Variants in WDFY2 observed in about 807,000 individuals in gnomAD.
WDFY2 encodes WD repeat and FYVE domain-containing protein 2.
In WDFY2, 36 loss-of-function variants were observed where a neutral mutation model predicts 56.4. The observed-to-expected ratio is 0.64, with a 90% CI of 0.49 to 0.84. The LOEUF (loss-of-function observed/expected upper bound fraction) is 0.84, where lower values mean the gene tolerates loss of function less well. Ranked by LOEUF, WDFY2 falls within the 40% of genes least tolerant of loss-of-function variation. The pLI is 0.00. For synonymous variants in WDFY2, 176 were observed against 183.7 expected, an observed-to-expected ratio of 0.96 and a Z score of 0.34; for missense variants, 444 against 512.2, an observed-to-expected ratio of 0.87 and a Z score of 1.29.
chr13:51,641,120 T>C (rs1475420087), intron 1 of WDFY2, among the ~76,000 whole-genome samples: 2 of 152,096 alleles, frequency 1.3e-5, no homozygotes, highest in African/African-American at 4.8e-5. Context: ...TTGCCCAGGC[T>C]GGAGTGCAGT....
rs144787747 is a variant in WDFY2 at position 51,617,137 on chromosome 13, T to C, written c.137+32313T>C. On this transcript the variant is annotated intron_variant, in intron 1 of 11. Coordinates refer to ENST00000298125, the MANE Select transcript of WDFY2 (RefSeq NM_052950.4). ...TTTCTGTGGAATTTTGGTGTGCTTA[T>C]ACAAAACTCTTAGTGTTAACTCTAA... 5.0e-3 allele frequency among the ~76,000 whole-genome samples: 755 copies of C among 152,346 alleles called. 5 individuals carry two copies. The highest frequency in any genetic ancestry group is 0.014 in the African/African-American group (593 of 41,574).
At chr13:51,660,723 T>G in intron 2 of WDFY2, 60 bp downstream of exon 2, 3 of 1,469,332 alleles carry the variant, frequency 2.0e-6, no homozygotes, top group Non-Finnish European at 2.9e-6. Flanking sequence ...TTGCCTTCTC[T>G]GTATTTTCTT....
intron 3 of WDFY2, among the ~76,000 whole-genome samples, chr13:51,700,077 T>C (rs192380897): frequency 1.3e-5 from 2 of 152,330 alleles, no homozygotes; most frequent in Non-Finnish European, 1.5e-5. Context: ...ATATCTATAA[T>C]GTGATCCTGT....
intron 1 of WDFY2, among the ~76,000 whole-genome samples, chr13:51,657,466 T>C (rs1955530751): frequency 6.6e-6 from 1 of 152,174 alleles, no homozygotes; most frequent in Non-Finnish European, 1.5e-5. Flanking sequence ...GAAGATCTAC[T>C]AGTAATGAAT....
rs1953536441 is a variant in WDFY2 at position 51,760,143 on chromosome 13, T to C, written c.*374T>C. The C allele has an allele frequency of 5.6e-6, 1 of 179,330 alleles. No individual in the cohort carries two copies. The highest frequency in any genetic ancestry group is 2.3e-5 in the African/African-American group (1 of 42,596). 11.1% of individuals were successfully genotyped at this position (179,330 alleles called of 1,614,324 possible). ...AGGGAGGTATCTACTCAGAGTATTT[T>C]GGTCATTATACTTTCTGTGTTTACT... On this transcript the variant is annotated 3_prime_UTR_variant, in exon 12 of 12. Coordinates refer to ENST00000298125, the MANE Select transcript of WDFY2 (RefSeq NM_052950.4).
At chr13:51,688,869 A>T (rs1173933514) in intron 3 of WDFY2, among the ~76,000 whole-genome samples, 1 of 152,166 alleles carries the variant, frequency 6.6e-6, no homozygotes, top group Non-Finnish European at 1.5e-5. Flanking sequence ...AACTGATCTC[A>T]TATCATTTGC....
intron 1 of WDFY2, among the ~76,000 whole-genome samples, chr13:51,652,460 G>T (rs1955411806): frequency 6.6e-6 from 1 of 152,146 alleles, no homozygotes; most frequent in Non-Finnish European, 1.5e-5. Flanking sequence ...ATGTTAGCTG[G>T]TTATTTTGCT....
rs188245143 is a variant in WDFY2 at position 51,720,660 on chromosome 13, T to G, written c.485+1312T>G. ...CTGCTATAATAAATTACTGTAAACT[T>G]GGTGTCCTTTAAACAACAGAAATTT... is the stretch of plus-strand genomic sequence containing the variant. On this transcript the variant is annotated intron_variant, in intron 5 of 11. Transcript: ENST00000298125. Among the ~76,000 whole-genome samples, 752 of 152,312 alleles carry G rather than the reference T, an allele frequency of 4.9e-3. 5 individuals are homozygous for G. The highest frequency in any genetic ancestry group is 0.014 in the African/African-American group (590 of 41,556).
chr13:51,763,940 A>G lies in WDFY2; in HGVS notation c.*4171A>G, dbSNP rs1228674154. The stretch of plus-strand genomic sequence containing the variant: ...TTCACTAAATGAGATTCCTTTGGTT[A>G]TGGCTGTTCATAGAATTTTAATTCT... On this transcript the variant is annotated 3_prime_UTR_variant, in exon 12 of 12. Coordinates refer to ENST00000298125, the MANE Select transcript of WDFY2 (RefSeq NM_052950.4). The G allele has an allele frequency of 6.6e-6, 1 of 152,210 alleles. No individual in the cohort carries two copies. The highest frequency in any genetic ancestry group is 1.5e-5 in the Non-Finnish European group (1 of 68,030). 9.4% of individuals were successfully genotyped at this position (152,210 alleles called of 1,614,324 possible). A position where few individuals can be genotyped will look rare whatever the true frequency, so the allele number is the denominator to read the frequency against.
intron 1 of WDFY2, chr13:51,591,338 TTAAGAAG>T (rs1954039865): frequency 6.6e-6 from 1 of 152,202 alleles, no homozygotes; most frequent in African/African-American, 2.4e-5. Flanking sequence ...GGATGAAATA[TTAAGAAG>T]TATTTGTTTT....
At chr13:51,759,007 C>A (rs1435187403) in intron 11 of WDFY2, among the ~76,000 whole-genome samples, 1 of 152,068 alleles carries the variant, frequency 6.6e-6, no homozygotes, top group Non-Finnish European at 1.5e-5. Context: ...CATAGTGTGA[C>A]CCTGTCTTAA....
chr13:51,646,621 G>A (rs758461803), intron 1 of WDFY2, among the ~76,000 whole-genome samples: 3 of 152,158 alleles, frequency 2.0e-5, no homozygotes, highest in South Asian at 2.1e-4. Context: ...AATGTGTGTC[G>A]TGTAAATTAA....
In WDFY2 at chr13:51,619,367, A is replaced by G. The variant is rs185417255; in HGVS notation, c.137+34543A>G. On this transcript the variant is annotated intron_variant, in intron 1 of 11. Transcript: ENST00000298125. ...TGGTCCCAGTGAGGCAAGGAGATCA[A>G]GGTTGCAGTGAGCTGTGATCACACC... is the stretch of plus-strand genomic sequence containing the variant. 1.3e-3 allele frequency among the ~76,000 whole-genome samples: 191 copies of G among 151,896 alleles called. 1 individual carries two copies. Among genetic ancestry groups the G allele is most frequent in the African/African-American group, 4.3e-3 (177 of 41,448 alleles).
At chr13:51,727,417 CAT>C (rs1376024587) in intron 5 of WDFY2, among the ~76,000 whole-genome samples, 12 of 152,188 alleles carry the variant, frequency 7.9e-5, no homozygotes, top group African/African-American at 2.2e-4. Flanking sequence ...TAGAAAACAA[CAT>C]GTGTTGATAT....
intron 8 of WDFY2, 29 bp downstream of exon 8, chr13:51,751,444 C>G: frequency 6.2e-7 from 1 of 1,603,520 alleles, no homozygotes; most frequent in African/African-American, 1.3e-5. Flanking sequence ...TGGGGTGGGC[C>G]CTGTGGTTCT....
chr13:51,738,554 G>A (rs1952893827), intron 6 of WDFY2, among the ~76,000 whole-genome samples: 1 of 152,170 alleles, frequency 6.6e-6, no homozygotes, highest in South Asian at 2.1e-4. Flanking sequence ...CCCGGAATCT[G>A]TAAATTAAAA....
chr13:51,665,854 T>C (rs1593959000), intron 2 of WDFY2, among the ~76,000 whole-genome samples: 1 of 152,298 alleles, frequency 6.6e-6, no homozygotes, highest in East Asian at 1.9e-4. Flanking sequence ...ATTTATAAAT[T>C]TTTCCACAAA....
intron 1 of WDFY2, among the ~76,000 whole-genome samples, chr13:51,640,225 CTG>C (rs1007770431): frequency 4.0e-4 from 61 of 152,282 alleles, no homozygotes; most frequent in African/African-American, 1.4e-3. Flanking sequence ...TATTTATAAT[CTG>C]TGCTCCCAGA....
chr13:51,760,348 G>A lies in WDFY2; in HGVS notation c.*579G>A, dbSNP rs1953542212. 1 of 152,142 alleles carries A rather than the reference G, an allele frequency of 6.6e-6. No individual in the cohort carries two copies. The highest frequency in any genetic ancestry group is 2.4e-5 in the African/African-American group (1 of 41,414). 9.4% of individuals were successfully genotyped at this position (152,142 alleles called of 1,614,324 possible). On this transcript the variant is annotated 3_prime_UTR_variant, in exon 12 of 12. Transcript: ENST00000298125. ...CATGTGGATTCACCAGCCAGCTGCT[G>A]GAATTGCCTGAAGAGCGATTTGTTT...
Sources: gnomAD v4.1 joint callset for allele counts (sites outside exome capture counted in the v4.1 genomes callset) on GRCh38, gnomAD v4.1.1 for gene constraint, MANE v1.5 for transcripts, NCBI Gene and HGNC (gene_info 2026-07-23, HGNC 2026-07-21) for gene names.